Variants in KRABD2 observed in about 807,000 individuals in gnomAD.
KRABD2 encodes the protein KRAB domain containing 2.
chr17:8,362,053 G>C, the KRABD2 span, among the ~76,000 whole-genome samples: 7 of 152,256 alleles, frequency 4.6e-5, no homozygotes, highest in African/African-American at 1.7e-4. The surrounding 1 kb of genome is among the most constrained non-coding windows in gnomAD (Gnocchi z 4.2). Context: ...AAGGCCAGGC[G>C]TGGTGGCTCA....
At chr17:8,367,175 A>G in the KRABD2 span, 1 of 152,102 alleles carries the variant, frequency 6.6e-6, no homozygotes, top group Non-Finnish European at 1.5e-5. Context: ...ATATACTTCT[A>G]TTGACTACAA....
chr17:8,367,826 C>T, the KRABD2 span, among the ~76,000 whole-genome samples: 2 of 151,866 alleles, frequency 1.3e-5, no homozygotes, highest in South Asian at 4.2e-4. Flanking sequence ...CAAAGCACAT[C>T]TTGCACCGCC....
At chr17:8,366,941 C>T in the KRABD2 span, among the ~76,000 whole-genome samples, 1 of 151,718 alleles carries the variant, frequency 6.6e-6, no homozygotes, top group South Asian at 2.1e-4. Context: ...AGGCGGGTCT[C>T]GAACCCCTGA....
the KRABD2 span, chr17:8,376,560 C>T: frequency 1.0e-6 from 1 of 987,258 alleles, no homozygotes. Context: ...TGCCCGTCCA[C>T]CCGCCAGCTC....
At chr17:8,375,776 G>T in the KRABD2 span, 2 of 566,376 alleles carry the variant, frequency 3.5e-6, no homozygotes, top group Non-Finnish European at 4.8e-6. Context: ...AAAGCAACAT[G>T]AAAGAAATGT....
chr17:8,370,071 C>A, the KRABD2 span: 1 of 1,614,040 alleles, frequency 6.2e-7, no homozygotes, highest in Non-Finnish European at 8.5e-7. Flanking sequence ...TATTCGATCA[C>A]GTTCTCCATG....
the KRABD2 span, chr17:8,376,389 G>A: frequency 2.6e-6 from 3 of 1,161,704 alleles, no homozygotes; most frequent in Non-Finnish European, 3.2e-6. Flanking sequence ...TTGCTATGAA[G>A]ATTCAATGAT....
At chr17:8,376,050 C>T in the KRABD2 span, 3 of 1,231,652 alleles carry the variant, frequency 2.4e-6, no homozygotes, top group Non-Finnish European at 3.0e-6. Flanking sequence ...CTGTACCACA[C>T]TCACTGGAGC....
chr17:8,363,857 ATATATTTATT>A, the KRABD2 span, among the ~76,000 whole-genome samples: 3,060 of 63,900 alleles, frequency 0.048, 136 homozygotes, highest in East Asian at 0.2. Context: ...ATATATATAT[ATATATTTATT>A]TATTTATTTA....
the KRABD2 span, among the ~76,000 whole-genome samples, chr17:8,366,139 T>A: frequency 4.7e-4 from 66 of 141,716 alleles, no homozygotes; most frequent in South Asian, 2.4e-3. Flanking sequence ...AAAAAAAAAA[T>A]AATAAAATAA....
At chr17:8,376,480 C>G in the KRABD2 span, 5 of 1,010,490 alleles carry the variant, frequency 4.9e-6, no homozygotes, top group African/African-American at 8.6e-5. Flanking sequence ...GAGGACCGGG[C>G]TGGGATGTCG....
chr17:8,368,167 A>T, the KRABD2 span, among the ~76,000 whole-genome samples: 1 of 152,140 alleles, frequency 6.6e-6, no homozygotes, highest in African/African-American at 2.4e-5. Context: ...ACTTGGAAAG[A>T]GTATTCGCTG....
At chr17:8,371,658 G>A in the KRABD2 span, 1 of 1,408,088 alleles carries the variant, frequency 7.1e-7, no homozygotes, top group Non-Finnish European at 9.2e-7. Context: ...TTTCCTGGGA[G>A]GTCTGTTGGT....
At chr17:8,367,748 C>T in the KRABD2 span, among the ~76,000 whole-genome samples, 1 of 151,594 alleles carries the variant, frequency 6.6e-6, no homozygotes, top group Non-Finnish European at 1.5e-5. Context: ...GTTTGTGTCC[C>T]TGGGTACTTG....
At chr17:8,358,890 A>G in the KRABD2 span, among the ~76,000 whole-genome samples, 1 of 152,340 alleles carries the variant, frequency 6.6e-6, no homozygotes, top group South Asian at 2.1e-4. Flanking sequence ...CCACAGTACA[A>G]TCCTCAAGAC....
chr17:8,372,980 T>C, the KRABD2 span, among the ~76,000 whole-genome samples: 1 of 152,244 alleles, frequency 6.6e-6, no homozygotes, highest in Admixed American at 6.5e-5. The surrounding 1 kb of genome is among the most constrained non-coding windows in gnomAD (Gnocchi z 4.1). Context: ...TCTCAGTCTT[T>C]AGTAGAGGTA....
the KRABD2 span, among the ~76,000 whole-genome samples, chr17:8,358,907 A>G: frequency 1.9e-4 from 29 of 152,228 alleles, no homozygotes; most frequent in Non-Finnish European, 2.9e-4. Flanking sequence ...AGACCAGGAA[A>G]TTAACTTTGA....
the KRABD2 span, among the ~76,000 whole-genome samples, chr17:8,360,542 G>T: frequency 6.6e-4 from 100 of 152,188 alleles, no homozygotes; most frequent in Non-Finnish European, 1.2e-3. Flanking sequence ...AACTAAAAAA[G>T]AAACCAAATT....
chr17:8,370,341 T>TC, the KRABD2 span: 1 of 1,603,832 alleles, frequency 6.2e-7, no homozygotes, highest in Non-Finnish European at 8.5e-7. Flanking sequence ...CCCAGGTGGA[T>TC]CATTTCCAGC....
Sources: allele counts gnomAD v4.1 joint callset (sites outside exome capture counted in the v4.1 genomes callset), GRCh38; gene constraint gnomAD v4.1.1; non-coding constraint Gnocchi (gnomAD v3.1); transcripts MANE v1.5; gene names NCBI Gene and HGNC (gene_info 2026-07-23, HGNC 2026-07-21).